Variants in BTBD7 observed in about 807,000 individuals in gnomAD.
BTBD7 encodes the protein BTB/POZ domain-containing protein 7.
Under a neutral mutation model 99.9 loss-of-function variants are expected in BTBD7, and 38 were observed. That is an observed-to-expected ratio of 0.38 (90% confidence interval 0.29 to 0.50). BTBD7 has a LOEUF of 0.50. Ranked by LOEUF, BTBD7 falls within the 20% of genes least tolerant of loss-of-function variation. The pLI is 0.93. For synonymous variants in BTBD7, 520 were observed against 511.4 expected (o/e 1.02, Z -0.23); for missense variants, 1,170 against 1,394.6 (o/e 0.84, Z 2.57).
chr14:93,320,025 A>G (rs548894118), intron 1 of BTBD7, among the ~76,000 whole-genome samples: 2 of 152,332 alleles, frequency 1.3e-5, no homozygotes, highest in East Asian at 3.8e-4. Flanking sequence ...TGTGGTCTCA[A>G]TAGAATTCAA....
At chr14:93,259,767 C>A (rs969983713) in intron 5 of BTBD7, among the ~76,000 whole-genome samples, 2 of 152,072 alleles carry the variant, frequency 1.3e-5, no homozygotes, top group African/African-American at 4.8e-5. Context: ...AACCCTGTGT[C>A]TACTAAAAAT....
rs1162503893 is a variant in BTBD7, at chr14:93,241,992, C to T, written c.*281G>A. 1 of 435,114 alleles carries T rather than the reference C, an allele frequency of 2.3e-6. No homozygotes were observed. The highest frequency in any genetic ancestry group is 4.0e-6 in the Non-Finnish European group (1 of 247,372). 27.0% of individuals were successfully genotyped at this position (435,114 alleles called of 1,614,324 possible). On this transcript the variant is annotated 3_prime_UTR_variant, in exon 11 of 11. Coordinates refer to ENST00000334746, the MANE Select transcript of BTBD7 (RefSeq NM_001002860.4). ...ATGTACAAGTGCAAAAAAATTCCAT[C>T]ATTTGTAAAGAGAAATAAAAAGTGC...
At chr14:93,300,067 A>G (rs1281885049) in intron 1 of BTBD7, among the ~76,000 whole-genome samples, 2 of 152,150 alleles carry the variant, frequency 1.3e-5, no homozygotes, top group African/African-American at 4.8e-5. Context: ...GAGTTAAGGT[A>G]TCTAGGATTC....
chr14:93,295,169 G>C (rs913245300), intron 2 of BTBD7, among the ~76,000 whole-genome samples: 3 of 152,156 alleles, frequency 2.0e-5, no homozygotes, highest in Non-Finnish European at 4.4e-5. Flanking sequence ...AGTGCAGTGG[G>C]AAGATCATAG....
intron 1 of BTBD7, among the ~76,000 whole-genome samples, chr14:93,313,679 T>TACACACACACACACAC (rs57711099): frequency 4.8e-5 from 7 of 145,422 alleles, no homozygotes; most frequent in Non-Finnish European, 7.5e-5. Flanking sequence ...AAAATGAAAC[T>TACACACACACACACAC]ACACACACAC....
intron 5 of BTBD7, among the ~76,000 whole-genome samples, chr14:93,260,626 T>C (rs964352414): frequency 6.6e-6 from 1 of 151,874 alleles, no homozygotes; most frequent in Non-Finnish European, 1.5e-5. Context: ...CCATCTCGGC[T>C]CACCACAACC....
chr14:93,314,562 C>A (rs182601454), intron 1 of BTBD7, among the ~76,000 whole-genome samples: 15 of 152,130 alleles, frequency 9.9e-5, no homozygotes, highest in Admixed American at 4.6e-4. Flanking sequence ...ATTTACTTAA[C>A]CAAATCCATA....
chr14:93,264,902 C>A (rs2052525354), intron 3 of BTBD7, among the ~76,000 whole-genome samples: 1 of 152,142 alleles, frequency 6.6e-6, no homozygotes, highest in Non-Finnish European at 1.5e-5. Context: ...GGAGTTAAGA[C>A]CAGTCTGGCC....
Position 93,332,799 on chromosome 14 carries a change from G to A in BTBD7, c.-107+21C>T, listed in dbSNP as rs1017300608. 6.1e-6 allele frequency: 9 copies of A among 1,473,908 alleles called. 1 individual carries two copies. The African/African-American group carries it at 1.3e-4, about 22-fold the overall frequency. The allele number at this position is 1,473,908 out of a possible 1,614,324, so 91.3% of individuals were successfully genotyped here. On this transcript the variant is annotated intron_variant, in intron 1 of 10. Transcript: ENST00000334746. ...ACACAGCCTCGGCTCCACAGCCTCA[G>A]AGACACCAAGGGACACTCACCCCGG...
intron 5 of BTBD7, among the ~76,000 whole-genome samples, chr14:93,260,639 T>C (rs1002122905): frequency 6.6e-6 from 1 of 151,980 alleles, no homozygotes; most frequent in Non-Finnish European, 1.5e-5. Context: ...CCACAACCTC[T>C]GCCTCCCGGG....
rs1326474854 is a variant in BTBD7 at position 93,243,206 on chromosome 14, T to C, written c.2584-118A>G. ...ATTAACACATTCTGTTTTTGTTTTT[T>C]TTTTTGAGACAGAGTCTCGCTCTGT... On this transcript the variant is annotated intron_variant, in intron 10 of 10. Coordinates refer to ENST00000334746, the MANE Select transcript of BTBD7 (RefSeq NM_001002860.4). The C allele has an allele frequency of 2.9e-6, 3 of 1,018,740 alleles. No homozygotes were observed. The African/African-American group carries it at 4.9e-5, about 17-fold the overall frequency. The allele number at this position is 1,018,740 out of a possible 1,614,324, so 63.1% of individuals were successfully genotyped here.
intron 1 of BTBD7, among the ~76,000 whole-genome samples, chr14:93,299,048 C>T (rs1228399430): frequency 6.6e-6 from 1 of 152,142 alleles, no homozygotes; most frequent in African/African-American, 2.4e-5. Context: ...GATTTGGGGA[C>T]ATTCATATAT....
chr14:93,263,848 C>T lies in BTBD7; in HGVS notation c.1308G>A (p.Ser436=), dbSNP rs1480510990. The part of the protein sequence containing the change: ...LCEEFSQVMT[S]DVFYELSKDH... ...CTTTGCTGAGTTCATAAAAAACATCCGAAGTCATGACCTGGGAAAATTCCT... is the reference window on the plus strand; with the variant it reads ...CTTTGCTGAGTTCATAAAAAACATCTGAAGTCATGACCTGGGAAAATTCCT... Residue 436 remains serine, a synonymous_variant, in exon 4 of 11, where the codon TCG becomes TCA. Coordinates refer to ENST00000334746, the MANE Select transcript of BTBD7 (RefSeq NM_001002860.4). The T allele has an allele frequency of 5.6e-6, 9 of 1,613,940 alleles. No individual in the cohort carries two copies. The East Asian group carries it at 8.9e-5, about 16-fold the overall frequency.
chr14:93,300,693 G>A (rs1041934623), intron 1 of BTBD7, among the ~76,000 whole-genome samples: 2 of 146,442 alleles, frequency 1.4e-5, no homozygotes, highest in Admixed American at 6.9e-5. Context: ...GTGCCATCAT[G>A]CCCAGCTAAT....
intron 1 of BTBD7, among the ~76,000 whole-genome samples, chr14:93,317,760 G>A (rs1472208905): frequency 6.6e-6 from 1 of 152,166 alleles, no homozygotes; most frequent in African/African-American, 2.4e-5. Flanking sequence ...TAATAAGGGT[G>A]ATTTACTATG....
intron 1 of BTBD7, 59 bp downstream of exon 1, chr14:93,332,761 C>T (rs2053463928): frequency 1.4e-6 from 2 of 1,447,632 alleles, no homozygotes; most frequent in Non-Finnish European, 9.0e-7. Flanking sequence ...CCGGACGCCC[C>T]GCGCCACACC....
intron 1 of BTBD7, among the ~76,000 whole-genome samples, chr14:93,303,555 G>C (rs1192303539): frequency 1.3e-5 from 2 of 152,234 alleles, no homozygotes; most frequent in Admixed American, 1.3e-4. Flanking sequence ...CCTGTGCCAG[G>C]TCTGACCTGG....
At chr14:93,332,762 G>C (rs568682297) in intron 1 of BTBD7, 58 bp downstream of exon 1, 34 of 1,445,800 alleles carry the variant, frequency 2.4e-5, no homozygotes, top group Non-Finnish European at 3.0e-5. Context: ...CGGACGCCCC[G>C]CGCCACACCG....
At chr14:93,246,401 T>G (rs2139677339) in intron 9 of BTBD7, 115 bp from the exon 10 acceptor site, 2 of 1,144,134 alleles carry the variant, frequency 1.7e-6, no homozygotes, top group Middle Eastern at 5.1e-4. Context: ...TCAGCAAGAA[T>G]AAAAAGCATA....
Sources: allele counts gnomAD v4.1 joint callset (sites outside exome capture counted in the v4.1 genomes callset), GRCh38; gene constraint gnomAD v4.1.1; transcripts MANE v1.5; gene names NCBI Gene and HGNC (gene_info 2026-07-23, HGNC 2026-07-21).